Variants in CD2 observed in about 807,000 individuals in gnomAD.
CD2 encodes the protein CD2 molecule.
CD2 carries 18 observed loss-of-function variants against 23.2 expected under a neutral mutation model. That is an observed-to-expected ratio of 0.77 (90% CI 0.54 to 1.15). The LOEUF (loss-of-function observed/expected upper bound fraction) is 1.15. Among genes scored for constraint, CD2 ranks in the 50% most tolerant of loss-of-function variants. CD2 has a pLI of 0.00. For missense variants in CD2, 424 were observed against 423.1 expected, an observed-to-expected ratio of 1.00 and a Z score of -0.02; for synonymous variants, 162 against 151.9, an observed-to-expected ratio of 1.07 and a Z score of -0.49.
At chr1:116,756,917 G>A (rs1381880531) in intron 2 of CD2, among the ~76,000 whole-genome samples, 2 of 151,908 alleles carry the variant, frequency 1.3e-5, no homozygotes, top group African/African-American at 2.4e-5. Context: ...CAAGTGTCCT[G>A]CAGTGCCTGG....
At chr1:116,767,230 G>A (rs562907265) in intron 4 of CD2, among the ~76,000 whole-genome samples, 18 of 152,072 alleles carry the variant, frequency 1.2e-4, no homozygotes, top group Admixed American at 2.6e-4. Context: ...ATCAACATCC[G>A]GAAGTTACAG....
At chr1:116,762,071 C>A (rs1441377342) in intron 3 of CD2, among the ~76,000 whole-genome samples, 1 of 152,154 alleles carries the variant, frequency 6.6e-6, no homozygotes, top group Non-Finnish European at 1.5e-5. Flanking sequence ...CTCAAACTAT[C>A]CTCCCACCTC....
In CD2 at chr1:116,754,614, T is replaced by G; in HGVS notation, c.62-17T>G. ...TTCCCTGAAAGTGACTCTCAGTAAC[T>G]CTTTTGCTTTTTATAGGTGCAGTCT... is the stretch of plus-strand genomic sequence containing the variant. On this transcript the variant is annotated splice_polypyrimidine_tract_variant and intron_variant, in intron 1 of 4. Transcript: ENST00000369478. 6.2e-7 allele frequency: 1 copy of G among 1,608,334 alleles called. No individual in the cohort carries two copies. Among genetic ancestry groups the G allele is most frequent in the Non-Finnish European group, 8.5e-7 (1 of 1,178,228 alleles).
chr1:116,766,166 A>G (rs569441922), intron 4 of CD2, among the ~76,000 whole-genome samples: 5 of 152,362 alleles, frequency 3.3e-5, no homozygotes, highest in African/African-American at 4.8e-5. Context: ...TTGAGTAACC[A>G]GGAGATGCAA....
chr1:116,765,667 G>T (rs1325586003), intron 4 of CD2, among the ~76,000 whole-genome samples: 2 of 152,318 alleles, frequency 1.3e-5, no homozygotes, highest in East Asian at 3.9e-4. Flanking sequence ...CGCTGGCAGG[G>T]CCCTTAGGCA....
chr1:116,764,668 G>A (rs1243701965), intron 4 of CD2, 62 bp downstream of exon 4: 2 of 1,218,972 alleles, frequency 1.6e-6, no homozygotes, highest in African/African-American at 1.5e-5. Context: ...AACAGCTCAT[G>A]GGGATGACAC....
At chr1:116,767,045 G>A (rs1652237705) in intron 4 of CD2, among the ~76,000 whole-genome samples, 1 of 152,100 alleles carries the variant, frequency 6.6e-6, no homozygotes, top group South Asian at 2.1e-4. Flanking sequence ...ATGACTGCAG[G>A]GCACGGAAGA....
intron 2 of CD2, among the ~76,000 whole-genome samples, chr1:116,758,332 A>T (rs1441369775): frequency 1.3e-5 from 2 of 152,102 alleles, no homozygotes; most frequent in African/African-American, 4.8e-5. Flanking sequence ...CAGGCCAGCC[A>T]TTCAGTGAGC....
Position 116,764,564 on chromosome 1 carries a change from T to C in CD2, c.694T>C (p.Phe232Leu), listed in dbSNP as rs1401262061. The part of the protein sequence containing the change: ...LLMVFVALLV[F>L]YITKRKKQRS... ...GATGGTCTTTGTGGCACTGCTCGTT[T>C]TCTATATCACCAAAAGGAAAAAACA... Residue 232 changes from phenylalanine to leucine, a missense_variant, in exon 4 of 5, where the codon TTC becomes CTC. Phe to Leu is a conservative substitution (Grantham distance 22, BLOSUM62 0). Transcript: ENST00000369478. 1.2e-6 allele frequency: 2 copies of C among 1,614,066 alleles called. No homozygotes were observed. The highest frequency in any genetic ancestry group is 1.7e-5 in the Admixed American group (1 of 60,010).
chr1:116,762,109 C>T (rs927531962), intron 3 of CD2, among the ~76,000 whole-genome samples: 4 of 152,190 alleles, frequency 2.6e-5, no homozygotes, highest in Admixed American at 1.3e-4. Flanking sequence ...GGATTATAGG[C>T]ATGAGTCACT....
intron 2 of CD2, among the ~76,000 whole-genome samples, chr1:116,755,406 G>C (rs183396336): frequency 6.6e-6 from 1 of 152,196 alleles, no homozygotes; most frequent in Non-Finnish European, 1.5e-5. Context: ...TGGCAGAAAA[G>C]GGCTGGAAAC....
rs781046049 is a variant in CD2, at chr1:116,754,833, A to G, written c.264A>G (p.Lys88=). 18 of 1,612,820 alleles carry G rather than the reference A, an allele frequency of 1.1e-5. 1 individual carries two copies. The Admixed American group carries it at 3.0e-4, about 27-fold the overall frequency. Residue 88 remains lysine (K), a synonymous_variant, in exon 2 of 5, where the codon AAA becomes AAG. Coordinates refer to ENST00000369478, the MANE Select transcript of CD2 (RefSeq NM_001767.5). The part of the protein sequence containing the change: ...FKEKDTYKLF[K]NGTLKIKHLK... Reference sequence around the variant, plus strand: ...AAAAAGATACATATAAGCTATTTAAAAATGGAACTCTGAAAATTAAGCATC... The same window carrying G: ...AAAAAGATACATATAAGCTATTTAAGAATGGAACTCTGAAAATTAAGCATC...
chr1:116,765,443 C>T (rs866921407), intron 4 of CD2, among the ~76,000 whole-genome samples: 8 of 152,188 alleles, frequency 5.3e-5, no homozygotes, highest in African/African-American at 1.2e-4. Context: ...CCCCAGGCAC[C>T]GGTGGCCTTG....
chr1:116,759,158 G>C (rs181495609), intron 2 of CD2, among the ~76,000 whole-genome samples: 1 of 152,200 alleles, frequency 6.6e-6, no homozygotes, highest in Non-Finnish European at 1.5e-5. Flanking sequence ...TACTAACTCT[G>C]TTGCTGAATG....
intron 2 of CD2, among the ~76,000 whole-genome samples, chr1:116,759,252 A>G (rs912596239): frequency 2.0e-5 from 3 of 152,180 alleles, no homozygotes; most frequent in African/African-American, 7.2e-5. Context: ...CTGCATGCCT[A>G]TATATATCGG....
At chr1:116,756,851 T>A (rs946076491) in intron 2 of CD2, among the ~76,000 whole-genome samples, 5 of 152,188 alleles carry the variant, frequency 3.3e-5, no homozygotes, top group Non-Finnish European at 7.3e-5. Flanking sequence ...CTATCTGCTG[T>A]GAGTCTGCTT....
chr1:116,764,387 T>C (rs1652147324), intron 3 of CD2, 97 bp from the exon 4 acceptor site: 1 of 1,526,814 alleles, frequency 6.5e-7, no homozygotes, highest in Non-Finnish European at 8.8e-7. Context: ...CAACAAGCTC[T>C]TCTATCTGCT....
At chr1:116,755,702 C>T (rs1408624507) in intron 2 of CD2, among the ~76,000 whole-genome samples, 1 of 152,082 alleles carries the variant, frequency 6.6e-6, no homozygotes, top group Non-Finnish European at 1.5e-5. Context: ...TTCTAATGAG[C>T]TGCCAAAGTC....
intron 3 of CD2, 134 bp from the exon 4 acceptor site, chr1:116,764,350 G>T: frequency 7.2e-7 from 1 of 1,381,756 alleles, no homozygotes; most frequent in Non-Finnish European, 9.6e-7. Flanking sequence ...CCCTCTGTGA[G>T]CCTGGGAGTT....
Sources: allele counts gnomAD v4.1 joint callset (sites outside exome capture counted in the v4.1 genomes callset), GRCh38; gene constraint gnomAD v4.1.1; transcripts MANE v1.5; gene names NCBI Gene and HGNC (gene_info 2026-07-23, HGNC 2026-07-21).